The following CYP2C18 variants were observed in gnomAD, a reference collection of about 807,000 sequenced individuals.
CYP2C18 encodes cytochrome P450 2C18.
CYP2C18 carries 38 observed loss-of-function variants against 41.3 expected under a neutral mutation model. The observed-to-expected ratio is 0.92, with a 90% CI of 0.71 to 1.21. The LOEUF is 1.21. Ranked by LOEUF, CYP2C18 falls within the 50% of genes most tolerant of loss-of-function variation. The probability of loss-of-function intolerance (pLI) is 0.00; values close to 1 mark genes in which losing one functional copy is unlikely to be tolerated. For synonymous variants in CYP2C18, 236 were observed against 210.0 expected, an observed-to-expected ratio of 1.12 and a Z score of -1.07; for missense variants, 635 against 591.4, an observed-to-expected ratio of 1.07 and a Z score of -0.77.
At position 94,686,579 on chromosome 10, in the gene CYP2C18, G is replaced by A. The variant is rs184609151; in HGVS notation, c.169-1191G>A. 3.4e-3 allele frequency among the ~76,000 whole-genome samples: 523 copies of A among 152,260 alleles called. 17 individuals are homozygous for A. The highest frequency in any genetic ancestry group is 0.03 in the Admixed American group (455 of 15,280). The stretch of plus-strand genomic sequence containing the variant: ...CACATATAACCGTTAATGTCACATA[G>A]AAACTTCTGTATTACTGGAGGCCAG... On this transcript the variant is annotated intron_variant, in intron 1 of 8. Coordinates refer to ENST00000285979, the MANE Select transcript of CYP2C18 (RefSeq NM_000772.3).
At chr10:94,698,381 A>G (rs1393940635) in intron 4 of CYP2C18, among the ~76,000 whole-genome samples, 1 of 152,220 alleles carries the variant, frequency 6.6e-6, no homozygotes, top group Non-Finnish European at 1.5e-5. Flanking sequence ...CTGAATGACT[A>G]CTGGTACATA....
chr10:94,729,570 C>A (rs1847795903), intron 7 of CYP2C18, among the ~76,000 whole-genome samples: 6 of 152,070 alleles, frequency 3.9e-5, no homozygotes, highest in Admixed American at 3.9e-4. Context: ...ACAAAAAAAA[C>A]CAGTGATGGT....
chr10:94,702,989 C>A (rs903278613), intron 4 of CYP2C18, among the ~76,000 whole-genome samples: 2 of 152,110 alleles, frequency 1.3e-5, no homozygotes, highest in African/African-American at 4.8e-5. Context: ...ACAGTCAGGC[C>A]CCTCTTCTGC....
At chr10:94,701,474 C>G (rs531604707) in intron 4 of CYP2C18, among the ~76,000 whole-genome samples, 1 of 149,920 alleles carries the variant, frequency 6.7e-6, no homozygotes, top group African/African-American at 2.5e-5. Flanking sequence ...TGTTGTGGGG[C>G]GGGGAAAGGG....
chr10:94,697,093 A>C (rs1847132136), intron 4 of CYP2C18, among the ~76,000 whole-genome samples: 1 of 152,226 alleles, frequency 6.6e-6, no homozygotes, highest in South Asian at 2.1e-4. Context: ...CAATCTAGCA[A>C]GGCAGGCCAA....
intron 3 of CYP2C18, among the ~76,000 whole-genome samples, chr10:94,689,602 C>A (rs537218124): frequency 2.9e-4 from 44 of 152,108 alleles, no homozygotes; most frequent in South Asian, 1.0e-3. Flanking sequence ...CTCTTGGATA[C>A]CAAAATCCAC....
intron 6 of CYP2C18, among the ~76,000 whole-genome samples, chr10:94,723,427 G>T (rs576001464): frequency 6.6e-6 from 1 of 152,238 alleles, no homozygotes; most frequent in East Asian, 1.9e-4. Flanking sequence ...ATTATTTTTA[G>T]TGTTTAGAAA....
Position 94,735,554 on chromosome 10 carries a change from A to G in CYP2C18, c.*110A>G, listed in dbSNP as rs74696697. 936 of 1,077,330 alleles carry G rather than the reference A, an allele frequency of 8.7e-4. 2 individuals are homozygous for G. The highest frequency in any genetic ancestry group is 1.2e-3 in the Non-Finnish European group (886 of 724,234). 66.7% of individuals were successfully genotyped at this position (1,077,330 alleles called of 1,614,324 possible). On this transcript the variant is annotated 3_prime_UTR_variant, in exon 9 of 9. Coordinates refer to ENST00000285979, the MANE Select transcript of CYP2C18 (RefSeq NM_000772.3). ...GAGGGATATTTTCTCTGACTTGTCA[A>G]TCCACATCTTCCCATTCCCTCAAGA...
chr10:94,716,963 G>A (rs568686465), intron 5 of CYP2C18, among the ~76,000 whole-genome samples: 7 of 152,202 alleles, frequency 4.6e-5, no homozygotes, highest in African/African-American at 9.6e-5. Flanking sequence ...TTCGATCTTT[G>A]TTGGTTTAAA....
intron 4 of CYP2C18, among the ~76,000 whole-genome samples, chr10:94,697,969 A>T (rs1847153561): frequency 6.6e-6 from 1 of 152,236 alleles, no homozygotes; most frequent in Admixed American, 6.5e-5. Flanking sequence ...AGGAGCATCC[A>T]GATTCATAAA....
chr10:94,693,341 G>C (rs1432032941), intron 3 of CYP2C18, among the ~76,000 whole-genome samples: 1 of 151,628 alleles, frequency 6.6e-6, no homozygotes, highest in African/African-American at 2.4e-5. Context: ...TTTTTGCTTT[G>C]ACTTTTGCCA....
intron 5 of CYP2C18, among the ~76,000 whole-genome samples, chr10:94,713,467 T>C (rs1847481667): frequency 6.6e-6 from 1 of 152,186 alleles, no homozygotes; most frequent in Non-Finnish European, 1.5e-5. Flanking sequence ...TTGCTGAGAA[T>C]GATGGCTTCC....
chr10:94,709,794 G>A (rs926014774), intron 5 of CYP2C18, among the ~76,000 whole-genome samples: 5 of 151,958 alleles, frequency 3.3e-5, no homozygotes, highest in Non-Finnish European at 5.9e-5. Flanking sequence ...TGAGGTATGG[G>A]TACAACTTCA....
intron 5 of CYP2C18, among the ~76,000 whole-genome samples, chr10:94,713,412 A>T (rs1488053195): frequency 6.7e-6 from 1 of 149,092 alleles, no homozygotes; most frequent in Admixed American, 6.8e-5. Flanking sequence ...AATCCCACCT[A>T]TGAGTGAGAA....
At chr10:94,685,601 T>G (rs1846872278) in intron 1 of CYP2C18, among the ~76,000 whole-genome samples, 1 of 152,200 alleles carries the variant, frequency 6.6e-6, no homozygotes, top group Non-Finnish European at 1.5e-5. Context: ...GATTCTCTTT[T>G]ATTCTTTGCA....
intron 5 of CYP2C18, among the ~76,000 whole-genome samples, chr10:94,718,028 C>T (rs1372936353): frequency 6.6e-6 from 1 of 151,942 alleles, no homozygotes; most frequent in Non-Finnish European, 1.5e-5. Context: ...TTCAATGAAA[C>T]CATAAATTTC....
intron 5 of CYP2C18, among the ~76,000 whole-genome samples, chr10:94,714,728 G>T (rs1261758526): frequency 6.6e-6 from 1 of 152,184 alleles, no homozygotes; most frequent in Admixed American, 6.5e-5. Context: ...GTCATTGGTA[G>T]CTTGATGGGG....
In CYP2C18 at chr10:94,687,805, T is replaced by A. The variant is rs41291550; in HGVS notation, c.204T>A (p.Tyr68Ter). The change falls in exon 2 of 9, where the codon TAT (tyrosine) becomes TAA (stop). Residue 68 changes from tyrosine (Y) to a stop codon, truncating the protein, a stop_gained. Transcript: ENST00000285979. LOFTEE classifies it high-confidence loss of function. ...SKVYGPVFTV[Y>*]FGLKPIVVLH... ...TCTATGGCCCTGTGTTCACTGTGTA[T>A]TTTGGCCTGAAGCCCATTGTGGTGT... 9.4e-3 allele frequency: 15,220 copies of A among 1,613,692 alleles called. 500 individuals carry two copies. Among genetic ancestry groups the A allele is most frequent in the East Asian group, 0.089 (3,983 of 44,866 alleles).
chr10:94,711,269 C>T (rs138450399), intron 5 of CYP2C18, among the ~76,000 whole-genome samples: 1 of 152,230 alleles, frequency 6.6e-6, no homozygotes, highest in East Asian at 1.9e-4. Context: ...TATTACCTCA[C>T]ATCTGGAATA....
Sources: gnomAD v4.1 joint callset for allele counts (sites outside exome capture counted in the v4.1 genomes callset) on GRCh38, gnomAD v4.1.1 for gene constraint, MANE v1.5 for transcripts, NCBI Gene and HGNC (gene_info 2026-07-23, HGNC 2026-07-21) for gene names.